The following MYO1D variants were observed in gnomAD, a reference collection of about 807,000 sequenced individuals.
MYO1D encodes the protein unconventional myosin-Id.
In MYO1D, 83 loss-of-function variants were observed where a neutral mutation model predicts 122.0. The observed-to-expected ratio is 0.68, with a 90% CI of 0.57 to 0.82. MYO1D has a LOEUF of 0.82. Ranked by LOEUF, MYO1D falls within the 40% of genes least tolerant of loss-of-function variation. The probability of loss-of-function intolerance (pLI) is 0.00; values close to 1 mark genes in which losing one functional copy is unlikely to be tolerated. For synonymous variants in MYO1D, 464 were observed against 446.9 expected, an observed-to-expected ratio of 1.04 and a Z score of -0.48; for missense variants, 1,157 against 1,269.5, an observed-to-expected ratio of 0.91 and a Z score of 1.35.
chr17:32,684,553 A>C (rs2088978181), intron 16 of MYO1D, among the ~76,000 whole-genome samples: 1 of 152,210 alleles, frequency 6.6e-6, no homozygotes. Flanking sequence ...GCTGATCTGT[A>C]AAAAGGCCCT....
intron 21 of MYO1D, among the ~76,000 whole-genome samples, chr17:32,561,004 T>C (rs1486656873): frequency 1.3e-5 from 2 of 149,888 alleles, no homozygotes; most frequent in Non-Finnish European, 3.0e-5. Flanking sequence ...CTCTGCCTCC[T>C]GGGTTCAAGT....
At chr17:32,746,917 C>T (rs992598363) in intron 12 of MYO1D, among the ~76,000 whole-genome samples, 1 of 152,174 alleles carries the variant, frequency 6.6e-6, no homozygotes, top group Non-Finnish European at 1.5e-5. Flanking sequence ...AATGAAGTGG[C>T]TGGTCTAGGT....
chr17:32,500,452 G>A (rs113025968), intron 21 of MYO1D, among the ~76,000 whole-genome samples: 32 of 152,284 alleles, frequency 2.1e-4, no homozygotes, highest in African/African-American at 7.7e-4. Context: ...CTGTTTTGCC[G>A]CCTTAAGTGA....
intron 17 of MYO1D, chr17:32,658,749 G>C (rs1477895088): frequency 4.3e-6 from 1 of 234,170 alleles, no homozygotes; most frequent in Admixed American, 5.2e-5. Flanking sequence ...CAGCAGAATT[G>C]AGAACCACTG....
chr17:32,730,919 T>TC (rs2089630912), intron 14 of MYO1D, among the ~76,000 whole-genome samples: 2 of 150,782 alleles, frequency 1.3e-5, no homozygotes, highest in African/African-American at 4.9e-5. Context: ...TTTTTTTTTT[T>TC]TTTTTCAGAG....
At chr17:32,809,323 G>A (rs994622347) in intron 1 of MYO1D, among the ~76,000 whole-genome samples, 2 of 151,026 alleles carry the variant, frequency 1.3e-5, no homozygotes, top group African/African-American at 4.9e-5. Context: ...TGGGGGTCTT[G>A]TTATGTTGCC....
intron 1 of MYO1D, among the ~76,000 whole-genome samples, chr17:32,805,296 C>A (rs1281403331): frequency 6.6e-6 from 1 of 152,182 alleles, no homozygotes; most frequent in Non-Finnish European, 1.5e-5. Context: ...TATAGCAGCC[C>A]AAACAAACTA....
At chr17:32,772,717 G>T in intron 5 of MYO1D, 72 bp downstream of exon 5, 1 of 1,289,216 alleles carries the variant, frequency 7.8e-7, no homozygotes, top group Non-Finnish European at 1.1e-6. Flanking sequence ...ACAGGGGAAA[G>T]CCCAAGACAC....
chr17:32,864,460 A>C (rs1254404663), intron 1 of MYO1D, among the ~76,000 whole-genome samples: 1 of 150,966 alleles, frequency 6.6e-6, no homozygotes, highest in African/African-American at 2.4e-5. Flanking sequence ...GGCAAGCAAC[A>C]TCATGAGACT....
At chr17:32,763,604 A>G (rs2090024766) in intron 8 of MYO1D, among the ~76,000 whole-genome samples, 1 of 152,192 alleles carries the variant, frequency 6.6e-6, no homozygotes, top group Admixed American at 6.5e-5. Context: ...ATGCAGCCAT[A>G]AAATCAGTAA....
At chr17:32,815,205 G>C (rs2090603541) in intron 1 of MYO1D, among the ~76,000 whole-genome samples, 2 of 152,156 alleles carry the variant, frequency 1.3e-5, no homozygotes. Context: ...GGCGCTCAAG[G>C]CTCAAATATA....
chr17:32,864,007 CTTTTTTTTT>C lies in MYO1D; in HGVS notation c.95+12762_95+12770del, dbSNP rs560953120. On this transcript the variant is annotated intron_variant, in intron 1 of 21. Coordinates refer to ENST00000318217, the MANE Select transcript of MYO1D (RefSeq NM_015194.3). ...TAATTTTGGTTACAAACATTTCTTC[CTTTTTTTTT>C]TTTTTTTTTTTTTTTTTTTTTTTTT... is the stretch of plus-strand genomic sequence containing the variant. Among the ~76,000 whole-genome samples the C allele has an allele frequency of 3.5e-3, 171 of 48,952 alleles. 1 individual carries two copies. The highest frequency in any genetic ancestry group is 0.022 in the East Asian group (16 of 738). The allele number at this position is 48,952 out of a possible 152,430, so 32.1% of individuals were successfully genotyped here.
At chr17:32,646,984 A>G (rs2088304018) in intron 19 of MYO1D, among the ~76,000 whole-genome samples, 1 of 152,288 alleles carries the variant, frequency 6.6e-6, no homozygotes, top group Admixed American at 6.5e-5. Context: ...TAGATTATAG[A>G]CTCTGTATTA....
intron 21 of MYO1D, among the ~76,000 whole-genome samples, chr17:32,539,581 G>A (rs2150877602): frequency 6.6e-6 from 1 of 152,136 alleles, no homozygotes; most frequent in East Asian, 1.9e-4. Flanking sequence ...CTTGACTTGT[G>A]GCTTCATCAT....
chr17:32,584,836 A>G (rs562816224), intron 21 of MYO1D, among the ~76,000 whole-genome samples: 1 of 152,284 alleles, frequency 6.6e-6, no homozygotes, highest in African/African-American at 2.4e-5. Flanking sequence ...GGAATGAACA[A>G]ATTTGGAGCT....
chr17:32,593,357 C>T (rs9899549), intron 21 of MYO1D, among the ~76,000 whole-genome samples: 5,350 of 152,238 alleles, frequency 0.035, 311 homozygotes, highest in African/African-American at 0.12. Flanking sequence ...AGCTGTTCCT[C>T]CTCCAGAGAG....
rs764892190 is a variant in MYO1D, at chr17:32,778,476, T to C, written c.398+4A>G. On this transcript the variant is annotated splice_donor_region_variant and intron_variant, in intron 3 of 21. Transcript: ENST00000318217. ...ATTCCTCCCCATTATTAGAGTGCTC[T>C]TACCTTTCAACCTCTGCTCTCTGAC... 21 of 1,610,104 alleles carry C rather than the reference T, an allele frequency of 1.3e-5. No individual in the cohort carries two copies. In the Admixed American group the frequency reaches 1.5e-4, roughly 11 times the overall value.
intron 15 of MYO1D, among the ~76,000 whole-genome samples, chr17:32,719,466 C>T (rs1239209158): frequency 6.6e-6 from 1 of 151,774 alleles, no homozygotes; most frequent in African/African-American, 2.4e-5. Flanking sequence ...TCTCCTGCCT[C>T]AGCCTCCCCG....
At chr17:32,736,934 C>T (rs1264589104) in intron 14 of MYO1D, among the ~76,000 whole-genome samples, 1 of 152,190 alleles carries the variant, frequency 6.6e-6, no homozygotes, top group Admixed American at 6.5e-5. Flanking sequence ...GTCCTTACCC[C>T]TGCCTTTCTG....
Sources: gnomAD v4.1 joint callset for allele counts (sites outside exome capture counted in the v4.1 genomes callset) on GRCh38, gnomAD v4.1.1 for gene constraint, MANE v1.5 for transcripts, NCBI Gene and HGNC (gene_info 2026-07-23, HGNC 2026-07-21) for gene names.